The following PCDHGA10 variants were observed in gnomAD, a reference collection of about 807,000 sequenced individuals.
PCDHGA10 encodes the protein protocadherin gamma-A10.
A neutral mutation model predicts 59.5 loss-of-function variants in PCDHGA10; 42 were observed. The ratio of observed to expected loss-of-function variants is 0.71; its 90% CI spans 0.55 to 0.91. PCDHGA10 has a LOEUF of 0.91. Ranked by LOEUF, PCDHGA10 falls within the 40% of genes least tolerant of loss-of-function variation. The pLI, the probability that PCDHGA10 is intolerant of heterozygous loss-of-function variation, is 0.00. For missense variants in PCDHGA10, 1,111 were observed against 1,198.2 expected (o/e 0.93, Z 1.07); for synonymous variants, 511 against 517.2 (o/e 0.99, Z 0.16).
At chr5:141,451,880 A>G (rs1322052501) in intron 1 of PCDHGA10, among the ~76,000 whole-genome samples, 1 of 152,106 alleles carries the variant, frequency 6.6e-6, no homozygotes, top group East Asian at 1.9e-4. Flanking sequence ...AACCCTGTCA[A>G]GAAAGAAAGG....
rs370286425 is a variant in PCDHGA10, at chr5:141,431,234, G to A, written c.2436+15623G>A. On this transcript the variant is annotated intron_variant, in intron 1 of 3. Coordinates refer to ENST00000398610, the MANE Select transcript of PCDHGA10 (RefSeq NM_018913.3). This position sits in a 1 kb window ranked among gnomAD's most constrained non-coding sequence, Gnocchi z 4.8. ...GCGGTTCCCTCTACCCCACGCCTGGGATCCGGATATCGGGAAGAACTCTCT... is the reference window on the plus strand; with the variant it reads ...GCGGTTCCCTCTACCCCACGCCTGGAATCCGGATATCGGGAAGAACTCTCT... 13 of 1,614,052 alleles carry A rather than the reference G, an allele frequency of 8.1e-6. No individual in the cohort carries two copies. The highest frequency in any genetic ancestry group is 2.7e-5 in the African/African-American group (2 of 74,940).
In PCDHGA10 at chr5:141,413,998, G is replaced by A; in HGVS notation, c.823G>A (p.Glu275Lys). The change falls in exon 1 of 4, where the codon GAA becomes AAA. Residue 275 changes from glutamate (E) to lysine (K), a missense_variant. Transcript: ENST00000398610. The stretch of plus-strand genomic sequence containing the variant: ...GACAGTCACAGCCACCGACAGGGAC[G>A]AAGGTGCCAATGGAGAAGTGACATA... Reference protein sequence around the residue: ...LLTVTATDRDEGANGEVTYSF... With the variant: ...LLTVTATDRDKGANGEVTYSF... 1 of 1,613,320 alleles carries A rather than the reference G, an allele frequency of 6.2e-7. No individual in the cohort carries two copies. The highest frequency in any genetic ancestry group is 1.6e-4 in the Middle Eastern group (1 of 6,062).
chr5:141,415,031 G>T lies in PCDHGA10; in HGVS notation c.1856G>T (p.Gly619Val), dbSNP rs982540695. The T allele has an allele frequency of 6.2e-6, 10 of 1,613,464 alleles. No individual in the cohort carries two copies. The highest frequency in any genetic ancestry group is 6.8e-6 in the Non-Finnish European group (8 of 1,179,984). Residue 619 changes from glycine to valine, a missense_variant, in exon 1 of 4, where the codon GGA becomes GTA. Gly to Val is a moderately radical substitution (Grantham distance 109). Transcript: ENST00000398610. The part of the protein sequence containing the change: ...SYRLLKASEP[G>V]LFAVGEHTGE... ...CGTCTGCTCAAGGCCAGCGAGCCGGGACTCTTCGCGGTGGGGGAGCACACG... is the reference window on the plus strand; with the variant it reads ...CGTCTGCTCAAGGCCAGCGAGCCGGTACTCTTCGCGGTGGGGGAGCACACG...
Position 141,413,570 on chromosome 5 carries a change from A to G in PCDHGA10, c.395A>G (p.Asp132Gly). Residue 132 changes from aspartate to glycine, a missense_variant, in exon 1 of 4, where the codon GAC (aspartate) becomes GGC (glycine). Coordinates refer to ENST00000398610, the MANE Select transcript of PCDHGA10 (RefSeq NM_018913.3). ...GIEIEVTDIN[D>G]NAPKFQAENL... ...GAAATAGAAGTAACTGATATCAATG[A>G]CAATGCTCCAAAATTCCAAGCAGAA... is the stretch of plus-strand genomic sequence containing the variant. 6.2e-7 allele frequency: 1 copy of G among 1,613,930 alleles called. No homozygotes were observed. The highest frequency in any genetic ancestry group is 8.5e-7 in the Non-Finnish European group (1 of 1,179,902).
intron 1 of PCDHGA10, among the ~76,000 whole-genome samples, chr5:141,454,701 C>G (rs1182969868): frequency 6.6e-6 from 1 of 151,760 alleles, no homozygotes; most frequent in Non-Finnish European, 1.5e-5. Context: ...CCACCATGCT[C>G]CACCTGCTTA....
rs368585389 is a variant in PCDHGA10, at chr5:141,419,428, G to A, written c.2436+3817G>A. On this transcript the variant is annotated intron_variant, in intron 1 of 3. Coordinates refer to ENST00000398610, the MANE Select transcript of PCDHGA10 (RefSeq NM_018913.3). ...TCGCGCAGCGCGCCTTCGACCACGAGCAGCTGCGCACCTTCGAGCTCACGC... is the reference window on the plus strand; with the variant it reads ...TCGCGCAGCGCGCCTTCGACCACGAACAGCTGCGCACCTTCGAGCTCACGC... 4 of 1,613,192 alleles carry A rather than the reference G, an allele frequency of 2.5e-6. No individual in the cohort carries two copies. In the African/African-American group the frequency reaches 4.0e-5, roughly 16 times the overall value.
intron 1 of PCDHGA10, among the ~76,000 whole-genome samples, chr5:141,472,590 C>T (rs1161871973): frequency 6.6e-6 from 1 of 151,908 alleles, no homozygotes; most frequent in Non-Finnish European, 1.5e-5. Flanking sequence ...GTCAGAAGCT[C>T]TCTTGAAATT....
intron 1 of PCDHGA10, 141 bp downstream of exon 1, chr5:141,415,752 T>C: frequency 7.3e-7 from 1 of 1,372,622 alleles, no homozygotes; most frequent in Non-Finnish European, 9.4e-7. Flanking sequence ...TTTTTTTTTT[T>C]TTTTTTTTTT....
chr5:141,479,562 T>G (rs1176956064), intron 1 of PCDHGA10: 2 of 152,218 alleles, frequency 1.3e-5, no homozygotes, highest in Non-Finnish European at 2.9e-5. Flanking sequence ...TATCCAGTAG[T>G]GGGATGACAT....
At chr5:141,449,471 G>T (rs1261821886) in intron 1 of PCDHGA10, among the ~76,000 whole-genome samples, 1 of 151,060 alleles carries the variant, frequency 6.6e-6, no homozygotes, top group African/African-American at 2.4e-5. Flanking sequence ...GCCAGGCCTG[G>T]TACCCCATGC....
chr5:141,428,797 G>A (rs2097161930), intron 1 of PCDHGA10: 1 of 152,310 alleles, frequency 6.6e-6, no homozygotes, highest in Admixed American at 6.5e-5. Context: ...TTCTGTGTGG[G>A]CCAGTAACTT....
rs1426255577 is a variant in PCDHGA10, at chr5:141,512,797, TG to T, written c.*1625del. 6.6e-6 allele frequency: 1 copy of T among 152,300 alleles called. No homozygotes were observed. Among genetic ancestry groups the T allele is most frequent in the African/African-American group, 2.4e-5 (1 of 41,444 alleles). The allele number at this position is 152,300 out of a possible 1,614,324, so 9.4% of individuals were successfully genotyped here. On this transcript the variant is annotated 3_prime_UTR_variant, in exon 4 of 4. Transcript: ENST00000398610. ...GCGGCCCGTGTTGTGTTTTGTGCTGTGTCCACGCGCTAAGGCGACCCCCTCC... is the reference window on the plus strand; with the variant it reads ...GCGGCCCGTGTTGTGTTTTGTGCTGTTCCACGCGCTAAGGCGACCCCCTCC...
In PCDHGA10 at chr5:141,464,280, A is replaced by C. The variant is rs934753450; in HGVS notation, c.2437-30527A>C. Among the ~76,000 whole-genome samples, 148 of 75,930 alleles carry C rather than the reference A, an allele frequency of 1.9e-3. 1 individual carries two copies. Among genetic ancestry groups the C allele is most frequent in the African/African-American group, 0.011 (146 of 12,968 alleles). 49.8% of individuals were successfully genotyped at this position (75,930 alleles called of 152,430 possible). Reference sequence around the variant, plus strand: ...ACTCCGTCTAAAAAAAAAAAAAAGCAAAAAAAAAAACTCCATTGTATGTGC... The same window carrying C: ...ACTCCGTCTAAAAAAAAAAAAAAGCCAAAAAAAAAACTCCATTGTATGTGC... On this transcript the variant is annotated intron_variant, in intron 1 of 3. Transcript: ENST00000398610.
intron 1 of PCDHGA10, chr5:141,419,537 C>G (rs368875631): frequency 1.2e-6 from 2 of 1,612,040 alleles, no homozygotes; most frequent in Non-Finnish European, 1.7e-6. Flanking sequence ...CGACAACGCA[C>G]CGCGGGTGCT....
intron 1 of PCDHGA10, among the ~76,000 whole-genome samples, chr5:141,454,062 A>T (rs548960162): frequency 6.6e-6 from 1 of 152,380 alleles, no homozygotes; most frequent in East Asian, 1.9e-4. Context: ...CAAAGAAACA[A>T]AAGTGATAAT....
chr5:141,500,182 A>ATTTT lies in PCDHGA10; in HGVS notation c.2496-5209_2496-5206dup, dbSNP rs1199992745. Among the ~76,000 whole-genome samples the ATTTT allele has an allele frequency of 1.7e-3, 223 of 131,716 alleles. 2 individuals are homozygous for ATTTT. Among genetic ancestry groups the ATTTT allele is most frequent in the African/African-American group, 6.2e-3 (201 of 32,350 alleles). The allele number at this position is 131,716 out of a possible 152,430, so 86.4% of individuals were successfully genotyped here. On this transcript the variant is annotated intron_variant, in intron 2 of 3. Transcript: ENST00000398610. ...AAGAACATGCATGAGCTTCATTTTT[A>ATTTT]TTTTTATTTATTTATTTATTTATTT...
At chr5:141,502,483 G>A (rs773081419) in intron 2 of PCDHGA10, among the ~76,000 whole-genome samples, 42 of 152,144 alleles carry the variant, frequency 2.8e-4, no homozygotes, top group Non-Finnish European at 4.7e-4. Context: ...GCATCACACT[G>A]GGACTCATCT....
intron 3 of PCDHGA10, among the ~76,000 whole-genome samples, chr5:141,506,298 A>C (rs887906455): frequency 6.6e-6 from 1 of 151,936 alleles, no homozygotes; most frequent in Non-Finnish European, 1.5e-5. Context: ...AAAATACAAA[A>C]ATTAGCTGGG....
chr5:141,476,476 C>A lies in PCDHGA10; in HGVS notation c.2437-18331C>A. On this transcript the variant is annotated intron_variant, in intron 1 of 3. Coordinates refer to ENST00000398610, the MANE Select transcript of PCDHGA10 (RefSeq NM_018913.3). The surrounding 1 kb of genome is among the most constrained non-coding windows in gnomAD (Gnocchi z 7.6). ...TGGAGAACCCGCTGGAGCTGTTCAG[C>A]GTGGAAGTGGTGATCCAGGACATCA... 6.2e-7 allele frequency: 1 copy of A among 1,613,986 alleles called. No individual in the cohort carries two copies. The highest frequency in any genetic ancestry group is 8.5e-7 in the Non-Finnish European group (1 of 1,179,992).
Sources: gnomAD v4.1 joint callset for allele counts (sites outside exome capture counted in the v4.1 genomes callset) on GRCh38, gnomAD v4.1.1 for gene constraint, Gnocchi (gnomAD v3.1) non-coding constraint, MANE v1.5 for transcripts, NCBI Gene and HGNC (gene_info 2026-07-23, HGNC 2026-07-21) for gene names.